The following CETN3 variants were observed in gnomAD, a reference collection of about 807,000 sequenced individuals.
The protein encoded by CETN3 is centrin 3, also known as centrin-3.
Under a neutral mutation model 20.1 loss-of-function variants are expected in CETN3, and 17 were observed. The observed-to-expected ratio is 0.85, with a 90% confidence interval of 0.58 to 1.27. The LOEUF (loss-of-function observed/expected upper bound fraction) is 1.27, where lower values mean the gene tolerates loss of function less well. Among genes scored for constraint, CETN3 ranks in the 50% most tolerant of loss-of-function variants. The pLI is 0.00. For synonymous variants in CETN3, 52 were observed against 59.7 expected (o/e 0.87, Z 0.59); for missense variants, 169 against 191.2 (o/e 0.88, Z 0.69).
chr5:90,403,875 GAAAAAAAAA>G (rs60385437), intron 3 of CETN3, among the ~76,000 whole-genome samples: 12 of 86,734 alleles, frequency 1.4e-4, no homozygotes, highest in East Asian at 1.1e-3. Flanking sequence ...TGTCTCAAAA[GAAAAAAAAA>G]AAAAAAAAAA....
chr5:90,404,725 C>T (rs1749389336), intron 3 of CETN3, among the ~76,000 whole-genome samples: 1 of 152,002 alleles, frequency 6.6e-6, no homozygotes, highest in Admixed American at 6.6e-5. Flanking sequence ...CTACTAATTG[C>T]CATTTCTTTT....
At position 90,399,475 on chromosome 5, in the gene CETN3, A is replaced by AATC; in HGVS notation, c.340_342dup (p.Asp114dup). ...AAATTCCTCAAGCTTATTTTACCTG[A>AATC]ATCATCATCATCAAATAGTTTAAAT... On this transcript the variant is annotated inframe_insertion, in exon 4 of 5. Transcript: ENST00000283122. 6.2e-7 allele frequency: 1 copy of AATC among 1,613,834 alleles called. No individual in the cohort carries two copies. Among genetic ancestry groups the AATC allele is most frequent in the Non-Finnish European group, 8.5e-7 (1 of 1,179,866 alleles).
At chr5:90,398,241 C>T (rs977443393) in intron 4 of CETN3, among the ~76,000 whole-genome samples, 9 of 152,070 alleles carry the variant, frequency 5.9e-5, no homozygotes, top group African/African-American at 2.2e-4. Flanking sequence ...GAGAGAAGAA[C>T]ACTAAAGTCC....
chr5:90,408,029 A>G (rs1749507677), intron 1 of CETN3, among the ~76,000 whole-genome samples, 195 bp from the exon 2 acceptor site: 1 of 152,150 alleles, frequency 6.6e-6, no homozygotes, highest in African/African-American at 2.4e-5. Context: ...AAAACTAAAG[A>G]GTGTTACAGA....
chr5:90,394,578 G>T (rs902064092), intron 4 of CETN3, among the ~76,000 whole-genome samples: 3 of 151,676 alleles, frequency 2.0e-5, no homozygotes, highest in African/African-American at 7.3e-5. Flanking sequence ...ATTATAAAAA[G>T]AAGTTAAATT....
chr5:90,405,147 T>C lies in CETN3; in HGVS notation c.268+538A>G, dbSNP rs187775393. 1.3e-4 allele frequency among the ~76,000 whole-genome samples: 20 copies of C among 152,314 alleles called. No homozygotes were observed. In the East Asian group the frequency reaches 3.7e-3, roughly 28 times the overall value. On this transcript the variant is annotated intron_variant, in intron 3 of 4. Coordinates refer to ENST00000283122, the MANE Select transcript of CETN3 (RefSeq NM_004365.4). ...CCTTTACTACTACCCTCTAAACAGATGACTTTATCCACTGAGATCAAGGTC... is the reference window on the plus strand; with the variant it reads ...CCTTTACTACTACCCTCTAAACAGACGACTTTATCCACTGAGATCAAGGTC...
intron 2 of CETN3, among the ~76,000 whole-genome samples, chr5:90,406,847 AAAAAAAAAC>A (rs1373284347): frequency 6.9e-6 from 1 of 144,484 alleles, no homozygotes; most frequent in Non-Finnish European, 1.5e-5. Flanking sequence ...AACCAAAAAA[AAAAAAAAAC>A]AAAAAAAACA....
rs1352561632 is a variant in CETN3 at position 90,409,716 on chromosome 5, G to A, written c.-55C>T. ...AGAACGATTTTAACCCCCTACCCAAGGCAGCAAGACGCCCACAGCCGTTCA... is the reference window on the plus strand; with the variant it reads ...AGAACGATTTTAACCCCCTACCCAAAGCAGCAAGACGCCCACAGCCGTTCA... On this transcript the variant is annotated 5_prime_UTR_variant, in exon 1 of 5. Transcript: ENST00000283122. The A allele has an allele frequency of 1.2e-6, 2 of 1,612,078 alleles. No individual in the cohort carries two copies. The highest frequency in any genetic ancestry group is 1.7e-6 in the Non-Finnish European group (2 of 1,178,328).
At chr5:90,402,842 A>C (rs114615389) in intron 3 of CETN3, among the ~76,000 whole-genome samples, 1,801 of 152,330 alleles carry the variant, frequency 0.012, 36 homozygotes, top group African/African-American at 0.041. Context: ...TTTACATTGT[A>C]AACTCCCTGA....
Position 90,399,399 on chromosome 5 carries a change from C to G in CETN3, c.419G>C (p.Arg140Pro), listed in dbSNP as rs903690738. ...LGENMSDEEL[R>P]AMIEEFDKDG... ...TTTGTCAAATTCTTCTATCATAGCTCGAAGTTCTTCATCACTCATGTTTTC... is the reference window on the plus strand; with the variant it reads ...TTTGTCAAATTCTTCTATCATAGCTGGAAGTTCTTCATCACTCATGTTTTC... The change falls in exon 4 of 5, where the codon CGA becomes CCA. Residue 140 changes from arginine to proline, a missense_variant. Physicochemically the swap from Arg to Pro is moderately radical, Grantham distance 103. Transcript: ENST00000283122. 6.2e-7 allele frequency: 1 copy of G among 1,613,856 alleles called. No individual in the cohort carries two copies. The highest frequency in any genetic ancestry group is 8.5e-7 in the Non-Finnish European group (1 of 1,179,958).
In CETN3 at chr5:90,405,053, C is replaced by T. The variant is rs115638049; in HGVS notation, c.268+632G>A. 2.1e-3 allele frequency among the ~76,000 whole-genome samples: 316 copies of T among 152,236 alleles called. 4 individuals carry two copies. Among genetic ancestry groups the T allele is most frequent in the African/African-American group, 7.4e-3 (308 of 41,536 alleles). ...TATAAAAAAATTTAGCCATATTAAGCCTATGACACATTATCTTCAGTTGGT... is the reference window on the plus strand; with the variant it reads ...TATAAAAAAATTTAGCCATATTAAGTCTATGACACATTATCTTCAGTTGGT... On this transcript the variant is annotated intron_variant, in intron 3 of 4. Transcript: ENST00000283122.
At chr5:90,404,866 G>C (rs1179924215) in intron 3 of CETN3, among the ~76,000 whole-genome samples, 1 of 137,512 alleles carries the variant, frequency 7.3e-6, no homozygotes, top group African/African-American at 2.9e-5. Flanking sequence ...CATTGGTTTA[G>C]AGAAAAAAAA....
chr5:90,394,634 T>A (rs1435686545), intron 4 of CETN3, among the ~76,000 whole-genome samples: 11 of 151,902 alleles, frequency 7.2e-5, no homozygotes, highest in Non-Finnish European at 1.3e-4. Flanking sequence ...TGTTAAAGAA[T>A]AATTAAAACC....
intron 2 of CETN3, among the ~76,000 whole-genome samples, 182 bp from the exon 3 acceptor site, chr5:90,405,981 C>T (rs1749427882): frequency 6.6e-6 from 1 of 152,054 alleles, no homozygotes; most frequent in African/African-American, 2.4e-5. Flanking sequence ...ATTAAGTATG[C>T]ATAAGTTTTT....
intron 4 of CETN3, among the ~76,000 whole-genome samples, chr5:90,397,983 T>C (rs939146589): frequency 2.0e-5 from 3 of 152,154 alleles, no homozygotes; most frequent in African/African-American, 7.2e-5. Context: ...TAAAAGATTA[T>C]CCATTCTGGC....
rs1037057266 is a variant in CETN3 at position 90,405,671 on chromosome 5, A to G, written c.268+14T>C. On this transcript the variant is annotated intron_variant, in intron 3 of 4. Coordinates refer to ENST00000283122, the MANE Select transcript of CETN3 (RefSeq NM_004365.4). The stretch of plus-strand genomic sequence containing the variant: ...CTAACAGCTGCTGATTACAAAGACT[A>G]TTAAAATACACACCAACTTCATTAA... 4.7e-6 allele frequency: 7 copies of G among 1,483,960 alleles called. No homozygotes were observed. Among genetic ancestry groups the G allele is most frequent in the East Asian group, 2.3e-5 (1 of 44,174 alleles). The allele number at this position is 1,483,960 out of a possible 1,614,324, so 91.9% of individuals were successfully genotyped here. A position where few individuals can be genotyped will look rare whatever the true frequency, so the allele number is the denominator to read the frequency against.
chr5:90,409,551 C>T (rs1244005799), intron 1 of CETN3, 94 bp downstream of exon 1: 2 of 1,472,394 alleles, frequency 1.4e-6, no homozygotes, highest in Non-Finnish European at 1.9e-6. Flanking sequence ...CATCCCCTGC[C>T]TCGCCTCGGC....
At chr5:90,400,945 C>A (rs1430084132) in intron 3 of CETN3, among the ~76,000 whole-genome samples, 1 of 152,110 alleles carries the variant, frequency 6.6e-6, no homozygotes, top group Non-Finnish European at 1.5e-5. Flanking sequence ...GGCACATACT[C>A]AACTTATTTT....
At chr5:90,401,942 G>C (rs1050764567) in intron 3 of CETN3, among the ~76,000 whole-genome samples, 5 of 152,120 alleles carry the variant, frequency 3.3e-5, no homozygotes, top group Non-Finnish European at 5.9e-5. Flanking sequence ...CTCAACTCCT[G>C]GGCTCAAGCA....
Sources: allele counts gnomAD v4.1 joint callset (sites outside exome capture counted in the v4.1 genomes callset), GRCh38; gene constraint gnomAD v4.1.1; transcripts MANE v1.5; gene names NCBI Gene and HGNC (gene_info 2026-07-23, HGNC 2026-07-21).